CYP4X1: variants seen among roughly 807,000 people sequenced by gnomAD.
CYP4X1 encodes cytochrome P450 4X1.
CYP4X1 carries 44 observed loss-of-function variants against 57.9 expected under a neutral mutation model. The ratio of observed to expected loss-of-function variants is 0.76; its 90% CI spans 0.60 to 0.98. The LOEUF (loss-of-function observed/expected upper bound fraction) is 0.98, where lower values mean the gene tolerates loss of function less well. CYP4X1 is among the 50% of genes least tolerant of loss of function. The probability of loss-of-function intolerance (pLI) is 0.00; values close to 1 mark genes in which losing one functional copy is unlikely to be tolerated. For synonymous variants in CYP4X1, 227 were observed against 228.6 expected (o/e 0.99, Z 0.06); for missense variants, 532 against 623.9 (o/e 0.85, Z 1.57).
chr1:47,043,773 C>T (rs905221954), intron 8 of CYP4X1, among the ~76,000 whole-genome samples: 11 of 152,036 alleles, frequency 7.2e-5, no homozygotes, highest in African/African-American at 2.4e-4. Context: ...TTTAGGTGTT[C>T]CTATTTTGGG....
At chr1:46,963,429 G>T in the CYP4X1 span, among the ~76,000 whole-genome samples, 1 of 150,476 alleles carries the variant, frequency 6.6e-6, no homozygotes, top group African/African-American at 2.4e-5. Context: ...TCCTTCAGGA[G>T]CTCTTGTAAG....
At chr1:47,030,674 A>G (rs892002374) in intron 2 of CYP4X1, among the ~76,000 whole-genome samples, 1 of 152,104 alleles carries the variant, frequency 6.6e-6, no homozygotes, top group Non-Finnish European at 1.5e-5. Context: ...TAAGGCTTTC[A>G]TTGTGGATTA....
At chr1:46,963,042 A>G in the CYP4X1 span, among the ~76,000 whole-genome samples, 2 of 152,162 alleles carry the variant, frequency 1.3e-5, no homozygotes, top group African/African-American at 4.8e-5. Context: ...TTGTTGGTTT[A>G]AAGTCTGTTT....
the CYP4X1 span, among the ~76,000 whole-genome samples, chr1:47,012,448 A>G: frequency 4.9e-4 from 75 of 152,198 alleles, no homozygotes; most frequent in African/African-American, 1.7e-3. Flanking sequence ...TAGGAGAAAT[A>G]CCTAAGGTAA....
chr1:47,035,616 G>T (rs754385990), intron 4 of CYP4X1, among the ~76,000 whole-genome samples, 190 bp from the exon 5 acceptor site: 1 of 152,132 alleles, frequency 6.6e-6, no homozygotes, highest in Non-Finnish European at 1.5e-5. Context: ...TTCTCACTCC[G>T]CTGGGTGTAT....
At chr1:47,055,222 T>C (rs1032569200), downstream of CYP4X1, among the ~76,000 whole-genome samples, 2 of 152,236 alleles carry the variant, frequency 1.3e-5, no homozygotes, top group African/African-American at 4.8e-5. Flanking sequence ...GGATTATGTT[T>C]ATTGATTTTC....
the CYP4X1 span, among the ~76,000 whole-genome samples, chr1:46,986,576 T>A: frequency 6.6e-6 from 1 of 151,906 alleles, no homozygotes; most frequent in Non-Finnish European, 1.5e-5. Context: ...CCAAGACATA[T>A]AATTGTCAGA....
chr1:47,049,951 A>C, intron 11 of CYP4X1, 49 bp from the exon 12 acceptor site: 1 of 1,576,572 alleles, frequency 6.3e-7, no homozygotes. Context: ...CTATAGTCAG[A>C]AGAAACATCA....
At chr1:46,969,166 A>C in the CYP4X1 span, among the ~76,000 whole-genome samples, 1 of 152,084 alleles carries the variant, frequency 6.6e-6, no homozygotes, top group Non-Finnish European at 1.5e-5. Flanking sequence ...GGTTCTTTAA[A>C]AGAGTCTGGG....
rs571962855 is a variant in CYP4X1 at position 47,049,662 on chromosome 1, C to T, written c.1355+158C>T. 2.6e-5 allele frequency among the ~76,000 whole-genome samples: 4 copies of T among 152,276 alleles called. No individual in the cohort carries two copies. In the South Asian group the frequency reaches 6.2e-4, roughly 24 times the overall value. ...ATCAGTTAGTTTTACAAAGGACAAT[C>T]GTATTCTCTGTCACATCCTTTTTGG... On this transcript the variant is annotated intron_variant, in intron 11 of 11. Coordinates refer to ENST00000371901, the MANE Select transcript of CYP4X1 (RefSeq NM_178033.2).
In CYP4X1 at chr1:47,046,485, G is replaced by A. The variant is rs1644302970; in HGVS notation, c.1092G>A (p.Met364Ile). 2 of 1,614,116 alleles carry A rather than the reference G, an allele frequency of 1.2e-6. No individual in the cohort carries two copies. The highest frequency in any genetic ancestry group is 8.5e-7 in the Non-Finnish European group (1 of 1,180,022). ...CTCACAGGGACCAGCTGGGTGAGAT[G>A]TCGTACACCACAATGTGCATCAAGG... is the stretch of plus-strand genomic sequence containing the variant. ...SSITWDQLGE[M>I]SYTTMCIKET... is the part of the protein sequence containing the mutation. Residue 364 changes from methionine to isoleucine, a missense_variant, in exon 9 of 12, where the codon ATG becomes ATA. Coordinates refer to ENST00000371901, the MANE Select transcript of CYP4X1 (RefSeq NM_178033.2).
At chr1:46,977,868 C>T in the CYP4X1 span, among the ~76,000 whole-genome samples, 2 of 151,998 alleles carry the variant, frequency 1.3e-5, no homozygotes, top group Non-Finnish European at 2.9e-5. Context: ...TCATATCCAG[C>T]CAAACTAAGC....
At chr1:47,012,045 T>C in the CYP4X1 span, among the ~76,000 whole-genome samples, 1 of 152,202 alleles carries the variant, frequency 6.6e-6, no homozygotes, top group Admixed American at 6.5e-5. Context: ...TTGACCCTGC[T>C]ATCCCATTAC....
the CYP4X1 span, among the ~76,000 whole-genome samples, chr1:46,985,220 C>T: frequency 6.6e-6 from 1 of 152,066 alleles, no homozygotes; most frequent in Non-Finnish European, 1.5e-5. Flanking sequence ...CCCAGCTACT[C>T]GGGAAGCTGA....
At chr1:46,989,272 C>T in the CYP4X1 span, among the ~76,000 whole-genome samples, 1 of 152,006 alleles carries the variant, frequency 6.6e-6, no homozygotes, top group African/African-American at 2.4e-5. Context: ...AACAGAGAGC[C>T]AAATCATGAG....
intron 1 of CYP4X1, among the ~76,000 whole-genome samples, chr1:47,027,216 G>T (rs1323364143): frequency 2.0e-5 from 3 of 150,220 alleles, no homozygotes; most frequent in Non-Finnish European, 4.4e-5. Context: ...TCAGAATTTT[G>T]CAGATCAGAG....
the CYP4X1 span, among the ~76,000 whole-genome samples, chr1:47,013,411 G>A: frequency 6.6e-6 from 1 of 152,122 alleles, no homozygotes; most frequent in African/African-American, 2.4e-5. Context: ...GCCTACTTGG[G>A]ACAACAGAGA....
At chr1:46,979,925 G>A in the CYP4X1 span, among the ~76,000 whole-genome samples, 1 of 152,046 alleles carries the variant, frequency 6.6e-6, no homozygotes, top group Non-Finnish European at 1.5e-5. Flanking sequence ...CAAAATTCAA[G>A]AACTCTTCAT....
At chr1:47,009,123 C>A in the CYP4X1 span, among the ~76,000 whole-genome samples, 5 of 152,216 alleles carry the variant, frequency 3.3e-5, no homozygotes, top group Non-Finnish European at 5.9e-5. Context: ...ACATTCTTTT[C>A]AGCACCACAC....
Sources: gnomAD v4.1 joint callset for allele counts (sites outside exome capture counted in the v4.1 genomes callset) on GRCh38, gnomAD v4.1.1 for gene constraint, MANE v1.5 for transcripts, NCBI Gene and HGNC (gene_info 2026-07-23, HGNC 2026-07-21) for gene names.